WDR90: variants seen among roughly 807,000 people sequenced by gnomAD.
WDR90 encodes the protein WD repeat-containing protein 90.
WDR90 carries 238 observed loss-of-function variants against 195.2 expected under a neutral mutation model. That is an observed-to-expected ratio of 1.22 (90% CI 1.10 to 1.36). The LOEUF (loss-of-function observed/expected upper bound fraction) is 1.36. Among genes scored for constraint, WDR90 ranks in the 40% most tolerant of loss-of-function variants. The pLI is 0.00. For missense variants in WDR90, 2,734 were observed against 2,439.5 expected (o/e 1.12, Z -2.54); for synonymous variants, 1,265 against 1,052.4 (o/e 1.20, Z -3.91).
rs201142286 is a variant in WDR90 at position 656,849 on chromosome 16, G to A, written c.2320G>A (p.Ala774Thr). 7.1e-5 allele frequency: 115 copies of A among 1,612,706 alleles called. No homozygotes were observed. Among genetic ancestry groups the A allele is most frequent in the Non-Finnish European group, 9.2e-5 (108 of 1,179,934 alleles). ...GAVRSFSLEA[A>T]EVLVEHTCHR... Reference sequence around the variant, plus strand: ...CGTGCGCTCCTTCAGCCTGGAGGCCGCTGAGGTCCTGGTGGAACACACGTA... The same window carrying A: ...CGTGCGCTCCTTCAGCCTGGAGGCCACTGAGGTCCTGGTGGAACACACGTA... Residue 774 changes from alanine (A) to threonine (T), a missense_variant, in exon 19 of 41, where the codon GCT becomes ACT. Transcript: ENST00000293879.
Position 667,095 on chromosome 16 carries a change from G to A in WDR90, c.5089+106G>A, listed in dbSNP as rs375638827. ...GCCTCACCTGTGCCCCGGGCTCCTCGTCTCTGGGGTGGGGTGAGGACATCT... is the reference window on the plus strand; with the variant it reads ...GCCTCACCTGTGCCCCGGGCTCCTCATCTCTGGGGTGGGGTGAGGACATCT... On this transcript the variant is annotated intron_variant, in intron 40 of 40. Transcript: ENST00000293879. 33 of 1,214,816 alleles carry A rather than the reference G, an allele frequency of 2.7e-5. No homozygotes were observed. The East Asian group carries it at 3.6e-4, about 13-fold the overall frequency. 75.3% of individuals were successfully genotyped at this position (1,214,816 alleles called of 1,614,324 possible). A position where few individuals can be genotyped will look rare whatever the true frequency, so the allele number is the denominator to read the frequency against.
At position 666,310 on chromosome 16, in the gene WDR90, A is replaced by G. The variant is rs372817445; in HGVS notation, c.4700A>G (p.Gln1567Arg). The G allele has an allele frequency of 6.2e-7, 1 of 1,612,598 alleles. No homozygotes were observed. The highest frequency in any genetic ancestry group is 8.5e-7 in the Non-Finnish European group (1 of 1,179,990). The change falls in exon 37 of 41, where the codon CAG becomes CGG. Residue 1567 changes from glutamine to arginine, a missense_variant. By Grantham distance (43) the Gln-to-Arg change is conservative. Coordinates refer to ENST00000293879, the MANE Select transcript of WDR90 (RefSeq NM_145294.5). ...ACCTTCCGTGTGCTGAGTGACCACC[A>G]GGGCGCCCCAATCTCTACCATCTGT... ...GTTFRVLSDH[Q>R]GAPISTICVT...
At position 658,649 on chromosome 16, in the gene WDR90, C is replaced by A. The variant is rs753266681; in HGVS notation, c.2891C>A (p.Pro964His). 1.2e-6 allele frequency: 2 copies of A among 1,607,902 alleles called. No homozygotes were observed. Among genetic ancestry groups the A allele is most frequent in the East Asian group, 4.5e-5 (2 of 44,740 alleles). The part of the protein sequence containing the change: ...WDYATQASPG[P>H]QVYIGHSEPV... ...TACGCCACACAGGCCAGCCCAGGCCCCCAGGTGTGTGCGTGGGGAGGCAGG... is the reference window on the plus strand; with the variant it reads ...TACGCCACACAGGCCAGCCCAGGCCACCAGGTGTGTGCGTGGGGAGGCAGG... Residue 964 changes from proline (P) to histidine (H), a missense_variant, in exon 23 of 41, where the codon CCC becomes CAC. Pro to His is a moderately conservative substitution (Grantham distance 77, BLOSUM62 -2). Coordinates refer to ENST00000293879, the MANE Select transcript of WDR90 (RefSeq NM_145294.5).
At chr16:660,903 G>C in intron 28 of WDR90, 148 bp from the exon 29 acceptor site, 1 of 704,450 alleles carries the variant, frequency 1.4e-6, no homozygotes, top group Non-Finnish European at 1.9e-6. Flanking sequence ...CTGGACGCTG[G>C]GGAGGGCGCA....
At chr16:660,309 TCCCACACC>T in intron 27 of WDR90, 148 bp downstream of exon 27, 1 of 752,442 alleles carries the variant, frequency 1.3e-6, no homozygotes, top group Non-Finnish European at 2.1e-6. Context: ...GGCAACTTCA[TCCCACACC>T]CCCACCCCTG....
chr16:657,655 G>T, intron 20 of WDR90, 107 bp from the exon 21 acceptor site: 1 of 1,387,240 alleles, frequency 7.2e-7, no homozygotes, highest in South Asian at 1.5e-5. Flanking sequence ...GTGCTCCGGG[G>T]CTGGTGTTTC....
intron 33 of WDR90, 56 bp downstream of exon 33, chr16:662,387 T>G (rs1555463025): frequency 1.0e-5 from 16 of 1,530,126 alleles, no homozygotes; most frequent in Non-Finnish European, 1.4e-5. Context: ...TGTCCCTGAC[T>G]GGGGCTTGCA....
chr16:650,628 T>G lies in WDR90; in HGVS notation c.478T>G (p.Tyr160Asp), dbSNP rs771720910. 10 of 1,612,660 alleles carry G rather than the reference T, an allele frequency of 6.2e-6. No individual in the cohort carries two copies. The South Asian group carries it at 8.8e-5, about 14-fold the overall frequency. The change falls in exon 5 of 41, where the codon TAC becomes GAC. Residue 160 changes from tyrosine (Y) to aspartate (D), a missense_variant. By Grantham distance (160) the Tyr-to-Asp change is radical (BLOSUM62 -3). Coordinates refer to ENST00000293879, the MANE Select transcript of WDR90 (RefSeq NM_145294.5). ...DVLLVYLNRC[Y>D]GHLKSIRLCA... ...TCTCCTGGTCTACCTGAACCGGTGC[T>G]ACGGCCATCTCAAGAGCATCAGGCT...
rs749033639 is a variant in WDR90, at chr16:655,127, C to A, written c.1536C>A (p.Val512=). ...HTDFDVQAFR[V]TFFDETRMAS... ...ACTTTGACGTCCAGGCCTTCCGGGT[C>A]ACCTTTTTTGATGAAACCAGGTGAT... The change falls in exon 14 of 41, where the codon GTC becomes GTA. Residue 512 remains valine (V), a synonymous_variant. Coordinates refer to ENST00000293879, the MANE Select transcript of WDR90 (RefSeq NM_145294.5). 35 of 1,612,686 alleles carry A rather than the reference C, an allele frequency of 2.2e-5. No individual in the cohort carries two copies. The highest frequency in any genetic ancestry group is 3.3e-5 in the Admixed American group (2 of 60,008).
intron 3 of WDR90, 21 bp downstream of exon 3, chr16:650,188 G>A (rs377156603): frequency 1.6e-4 from 251 of 1,610,364 alleles, no homozygotes; most frequent in Non-Finnish European, 1.9e-4. Context: ...CGCGGCTGGG[G>A]GCTGCGTGGG....
chr16:659,416 G>T (rs1441307552), intron 26 of WDR90, 40 bp downstream of exon 26: 4 of 1,575,666 alleles, frequency 2.5e-6, no homozygotes, highest in East Asian at 2.3e-5. Context: ...GGGATTCGGG[G>T]GTCTGAGAGG....
chr16:655,640 C>T lies in WDR90; in HGVS notation c.1786C>T (p.Arg596Cys), dbSNP rs368151213. 120 of 1,607,248 alleles carry T rather than the reference C, an allele frequency of 7.5e-5. No homozygotes were observed. Among genetic ancestry groups the T allele is most frequent in the African/African-American group, 9.4e-5 (7 of 74,832 alleles). The part of the protein sequence containing the change: ...DCQRMVVRHA[R>C]RLLPTRTPGG... ...TCAGCGCATGGTCGTGCGGCATGCC[C>T]GCCGCCTGCTCCCCACACGGACTCC... Residue 596 changes from arginine to cysteine, a missense_variant, in exon 16 of 41, where the codon CGC becomes TGC. Arg to Cys is a radical substitution (Grantham distance 180). Transcript: ENST00000293879.
In WDR90 at chr16:665,855, G is replaced by T. The variant is rs987759369; in HGVS notation, c.4434+54G>T. 4 of 1,548,222 alleles carry T rather than the reference G, an allele frequency of 2.6e-6. No homozygotes were observed. The Admixed American group carries it at 5.5e-5, about 21-fold the overall frequency. Reference sequence around the variant, plus strand: ...GGGATGGGGGCCTGCTCAGTGGGGGGCCTGGCATGGGCGGGGCCGCCTCCT... The same window carrying T: ...GGGATGGGGGCCTGCTCAGTGGGGGTCCTGGCATGGGCGGGGCCGCCTCCT... On this transcript the variant is annotated intron_variant, in intron 35 of 40. Coordinates refer to ENST00000293879, the MANE Select transcript of WDR90 (RefSeq NM_145294.5).
At position 657,452 on chromosome 16, in the gene WDR90, G is replaced by A. The variant is rs1214884898; in HGVS notation, c.2473+231G>A. 1.2e-5 allele frequency: 9 copies of A among 767,558 alleles called. 1 individual carries two copies. The highest frequency in any genetic ancestry group is 1.1e-4 in the East Asian group (4 of 35,344). 47.5% of individuals were successfully genotyped at this position (767,558 alleles called of 1,614,324 possible). A position where few individuals can be genotyped will look rare whatever the true frequency, so the allele number is the denominator to read the frequency against. ...CGGGTCTGTGCCCAGGAGGCGGCAG[G>A]CAGCCCAAGCTCCAGGTCAGCAGCT... On this transcript the variant is annotated intron_variant, in intron 20 of 40. Transcript: ENST00000293879.
At chr16:657,917 C>G in intron 21 of WDR90, 25 bp downstream of exon 21, 5 of 1,529,422 alleles carry the variant, frequency 3.3e-6, no homozygotes, top group Non-Finnish European at 3.5e-6. Flanking sequence ...CTCCTGGGTC[C>G]AGGGAGACTG....
intron 34 of WDR90, 90 bp from the exon 35 acceptor site, chr16:665,589 C>G: frequency 6.2e-7 from 1 of 1,600,514 alleles, no homozygotes; most frequent in Non-Finnish European, 8.5e-7. Flanking sequence ...GTTTGGACAG[C>G]CCGGCCCTGG....
At chr16:652,284 G>C in intron 9 of WDR90, 183 bp from the exon 10 acceptor site, 1 of 823,928 alleles carries the variant, frequency 1.2e-6, no homozygotes, top group East Asian at 2.7e-5. Context: ...GACCCTCGAA[G>C]GTCTGGCAGT....
intron 7 of WDR90, 139 bp from the exon 8 acceptor site, chr16:651,505 T>C: frequency 9.8e-7 from 1 of 1,018,812 alleles, no homozygotes; most frequent in East Asian, 2.4e-5. Flanking sequence ...GGGCCTAGGG[T>C]GGAAGTGGGG....
Position 656,866 on chromosome 16 carries a change from A to G in WDR90, c.2337A>G (p.Glu779=). The change falls in exon 19 of 41, where the codon GAA becomes GAG. Residue 779 remains glutamate, a synonymous_variant. Transcript: ENST00000293879. ...TGGAGGCCGCTGAGGTCCTGGTGGA[A>G]CACACGTAAGTGCCCAGCTGGCCAC... ...FSLEAAEVLV[E]HTCHRGAVTG... is the part of the protein sequence containing the mutation. The G allele has an allele frequency of 6.2e-7, 1 of 1,612,472 alleles. No individual in the cohort carries two copies. Among genetic ancestry groups the G allele is most frequent in the Non-Finnish European group, 8.5e-7 (1 of 1,179,780 alleles).
Sources: allele counts gnomAD v4.1 joint callset, GRCh38; gene constraint gnomAD v4.1.1; transcripts MANE v1.5; gene names NCBI Gene and HGNC (gene_info 2026-07-23, HGNC 2026-07-21).